Variants in BAALC observed in about 807,000 individuals in gnomAD.
The protein encoded by BAALC is brain and acute leukemia cytoplasmic protein.
BAALC carries 9 observed loss-of-function variants against 15.5 expected under a neutral mutation model. The ratio of observed to expected loss-of-function variants is 0.58; its 90% CI spans 0.35 to 1.02. The LOEUF is 1.02. Among genes scored for constraint, BAALC ranks in the 50% least tolerant of loss-of-function variants. The probability of loss-of-function intolerance (pLI) is 0.02; values close to 1 mark genes in which losing one functional copy is unlikely to be tolerated. For missense variants in BAALC, 201 were observed against 192.4 expected, an observed-to-expected ratio of 1.04 and a Z score of -0.27; for synonymous variants, 80 against 74.6, an observed-to-expected ratio of 1.07 and a Z score of -0.37.
At chr8:103,212,400 A>G (rs1408145708) in intron 1 of BAALC, among the ~76,000 whole-genome samples, 3 of 152,200 alleles carry the variant, frequency 2.0e-5, no homozygotes, top group African/African-American at 7.2e-5. Flanking sequence ...GCAAACTATG[A>G]TCATGCCACT....
At chr8:103,181,595 T>C (rs1811732151) in intron 1 of BAALC, among the ~76,000 whole-genome samples, 1 of 152,140 alleles carries the variant, frequency 6.6e-6, no homozygotes, top group Non-Finnish European at 1.5e-5. Context: ...GGTAACCCCA[T>C]GCCGCTAATA....
At chr8:103,205,775 C>A (rs539920149) in intron 1 of BAALC, among the ~76,000 whole-genome samples, 1 of 152,174 alleles carries the variant, frequency 6.6e-6, no homozygotes, top group Non-Finnish European at 1.5e-5. Context: ...GAACTGCCTA[C>A]TTGGGAGTTT....
chr8:103,204,710 G>GA (rs913574335), intron 1 of BAALC, among the ~76,000 whole-genome samples: 8 of 152,178 alleles, frequency 5.3e-5, no homozygotes, highest in Non-Finnish European at 8.8e-5. Context: ...CCATTGTCCA[G>GA]AAAAAAATGA....
intron 1 of BAALC, among the ~76,000 whole-genome samples, chr8:103,173,166 C>T (rs1415222398): frequency 6.6e-6 from 1 of 152,036 alleles, no homozygotes; most frequent in Non-Finnish European, 1.5e-5. Context: ...ATGGTGACGC[C>T]AGCTTTAGCC....
chr8:103,144,778 A>T (rs1810846367), intron 1 of BAALC, among the ~76,000 whole-genome samples: 1 of 152,266 alleles, frequency 6.6e-6, no homozygotes, highest in Admixed American at 6.5e-5. Flanking sequence ...AATTACAGAC[A>T]GCAAAATGAT....
chr8:103,184,057 G>C (rs72673319), intron 1 of BAALC, among the ~76,000 whole-genome samples: 6,649 of 152,256 alleles, frequency 0.044, 198 homozygotes, highest in Middle Eastern at 0.085. Flanking sequence ...GAGGCAGCCT[G>C]CATGCCTTTG....
At chr8:103,171,453 GAAAGAAAGAAAAGA>G (rs1811492309) in intron 1 of BAALC, among the ~76,000 whole-genome samples, 1 of 151,512 alleles carries the variant, frequency 6.6e-6, no homozygotes, top group South Asian at 2.1e-4. Flanking sequence ...AAGAAAGTAA[GAAAGAAAGAAAAGA>G]AAAGAAAGAA....
intron 1 of BAALC, among the ~76,000 whole-genome samples, chr8:103,210,858 G>A (rs1444868493): frequency 6.6e-6 from 1 of 152,154 alleles, no homozygotes; most frequent in Non-Finnish European, 1.5e-5. Context: ...GTTGGCAGAT[G>A]GTCAACAGAA....
At chr8:103,175,742 A>T (rs1194047494) in intron 1 of BAALC, among the ~76,000 whole-genome samples, 1 of 152,192 alleles carries the variant, frequency 6.6e-6, no homozygotes, top group Non-Finnish European at 1.5e-5. Flanking sequence ...AAGAGCTCGA[A>T]CCCCAAGGTG....
chr8:103,167,475 G>A (rs1238829104), intron 1 of BAALC, among the ~76,000 whole-genome samples: 1 of 152,144 alleles, frequency 6.6e-6, no homozygotes, highest in East Asian at 1.9e-4. Flanking sequence ...AATTAGCATA[G>A]CCCAGTAGAG....
intron 1 of BAALC, among the ~76,000 whole-genome samples, chr8:103,200,947 G>T (rs139607764): frequency 2.0e-5 from 3 of 152,188 alleles, no homozygotes; most frequent in African/African-American, 7.2e-5. Context: ...GAGGAAAATT[G>T]CATTAGAATA....
intron 1 of BAALC, among the ~76,000 whole-genome samples, chr8:103,190,649 T>C (rs974823487): frequency 1.3e-5 from 2 of 152,226 alleles, no homozygotes; most frequent in Admixed American, 6.5e-5. Context: ...TTATGAGTGT[T>C]GAACATTATT....
At chr8:103,187,902 T>C (rs146513754) in intron 1 of BAALC, among the ~76,000 whole-genome samples, 10 of 152,254 alleles carry the variant, frequency 6.6e-5, no homozygotes, top group African/African-American at 2.4e-4. Flanking sequence ...TGTGACTTAG[T>C]GTCCAAGGAG....
intron 1 of BAALC, among the ~76,000 whole-genome samples, chr8:103,161,359 T>A (rs1255075876): frequency 6.6e-6 from 1 of 152,162 alleles, no homozygotes; most frequent in Admixed American, 6.5e-5. Context: ...TATATTTAGA[T>A]GCTTTTCATT....
chr8:103,147,437 ATGCAGATTTTTTTTTCTGCAAAAAACAT>A (rs1309821449), intron 1 of BAALC, among the ~76,000 whole-genome samples: 2 of 152,174 alleles, frequency 1.3e-5, no homozygotes, highest in Admixed American at 6.5e-5. Context: ...CAAAGGATAA[ATGCAGATTTTTTTTTCTGCAAAAAACAT>A]TGCAGATTTT....
chr8:103,206,566 G>A (rs548318557), intron 1 of BAALC, among the ~76,000 whole-genome samples: 10 of 152,258 alleles, frequency 6.6e-5, no homozygotes, highest in African/African-American at 2.2e-4. Context: ...GTGGACAAGA[G>A]AGCCTGTTGA....
chr8:103,176,528 C>A (rs1811610462), intron 1 of BAALC, among the ~76,000 whole-genome samples: 2 of 152,016 alleles, frequency 1.3e-5, no homozygotes, highest in South Asian at 4.1e-4. Flanking sequence ...GAAGAAGGGA[C>A]AGAAACACAC....
intron 1 of BAALC, chr8:103,165,591 C>T (rs1351499328): frequency 6.6e-6 from 1 of 152,144 alleles, no homozygotes; most frequent in African/African-American, 2.4e-5. Flanking sequence ...ACAGCCTTGC[C>T]TGAAGTCCCA....
At chr8:103,143,512 C>G (rs1459029571) in intron 1 of BAALC, among the ~76,000 whole-genome samples, 1 of 152,168 alleles carries the variant, frequency 6.6e-6, no homozygotes, top group Admixed American at 6.5e-5. Flanking sequence ...GGCTTCACTA[C>G]TAGAATTCTA....
Sources: gnomAD v4.1 joint callset for allele counts (sites outside exome capture counted in the v4.1 genomes callset) on GRCh38, gnomAD v4.1.1 for gene constraint, MANE v1.5 for transcripts, NCBI Gene and HGNC (gene_info 2026-07-23, HGNC 2026-07-21) for gene names.